LOXHD1: variants seen among roughly 807,000 people sequenced by gnomAD.
LOXHD1 encodes lipoxygenase homology PLAT domains 1, also known as lipoxygenase homology domain-containing protein 1.
Under a neutral mutation model 248.2 loss-of-function variants are expected in LOXHD1, and 205 were observed. That is an observed-to-expected ratio of 0.83 (90% confidence interval 0.74 to 0.93). LOXHD1 has a LOEUF of 0.93. LOXHD1 is among the 40% of genes least tolerant of loss of function. The probability of loss-of-function intolerance (pLI) is 0.00; values close to 1 mark genes in which losing one functional copy is unlikely to be tolerated. For missense variants in LOXHD1, 2,930 were observed against 2,971.6 expected, an observed-to-expected ratio of 0.99 and a Z score of 0.33; for synonymous variants, 1,113 against 1,162.8, an observed-to-expected ratio of 0.96 and a Z score of 0.87.
chr18:46,523,690 G>T (rs958429081), intron 31 of LOXHD1, among the ~76,000 whole-genome samples: 2 of 151,830 alleles, frequency 1.3e-5, no homozygotes, highest in African/African-American at 4.8e-5. Flanking sequence ...TCTCTTCCTG[G>T]CTGGAATTAC....
At chr18:46,644,132 C>T (rs980659056) in intron 2 of LOXHD1, among the ~76,000 whole-genome samples, 5 of 152,294 alleles carry the variant, frequency 3.3e-5, no homozygotes, top group African/African-American at 1.2e-4. Flanking sequence ...TTCAGCAACT[C>T]CCCCATCCCC....
At chr18:46,636,553 C>T (rs1414004470) in intron 4 of LOXHD1, among the ~76,000 whole-genome samples, 3 of 152,154 alleles carry the variant, frequency 2.0e-5, no homozygotes, top group Non-Finnish European at 4.4e-5. Flanking sequence ...AGAGAAGGTT[C>T]CAGTGATTGC....
chr18:46,535,807 G>A lies in LOXHD1; in HGVS notation c.4096-1356C>T, dbSNP rs12454666. 6.8e-3 allele frequency among the ~76,000 whole-genome samples: 1,041 copies of A among 152,258 alleles called. 33 individuals are homozygous for A. Among genetic ancestry groups the A allele is most frequent in the Admixed American group, 0.048 (736 of 15,294 alleles). On this transcript the variant is annotated intron_variant, in intron 26 of 40. Transcript: ENST00000642948. ...GCTGGTCTTGAACTCCTGACCTCAG[G>A]TGATCCACCCACCTCGGCCTCCCAA...
chr18:46,488,884 A>T (rs760949270), intron 38 of LOXHD1, 88 bp downstream of exon 38: 43 of 1,419,572 alleles, frequency 3.0e-5, no homozygotes, highest in Non-Finnish European at 3.9e-5. Flanking sequence ...TGTATCTGGC[A>T]CCTGACCCCC....
At chr18:46,511,505 T>C (rs2034960970) in intron 34 of LOXHD1, among the ~76,000 whole-genome samples, 1 of 152,218 alleles carries the variant, frequency 6.6e-6, no homozygotes, top group Non-Finnish European at 1.5e-5. Context: ...GGTTTCCTTC[T>C]GTTCCTGCCT....
At chr18:46,617,761 TC>T (rs1477821727) in intron 5 of LOXHD1, among the ~76,000 whole-genome samples, 17 of 152,302 alleles carry the variant, frequency 1.1e-4, no homozygotes, top group African/African-American at 3.9e-4. Flanking sequence ...TGAGGCCAAG[TC>T]AAATTGTATT....
At chr18:46,566,181 A>G (rs1167440746) in intron 17 of LOXHD1, 76 bp downstream of exon 17, 3 of 1,455,082 alleles carry the variant, frequency 2.1e-6, no homozygotes, top group Non-Finnish European at 2.8e-6. Context: ...GCTTTGCCCC[A>G]TGGTCCCTCC....
At chr18:46,563,849 G>A (rs1047062419) in intron 17 of LOXHD1, among the ~76,000 whole-genome samples, 3 of 152,162 alleles carry the variant, frequency 2.0e-5, no homozygotes, top group Admixed American at 6.5e-5. Context: ...CACCAGGGAT[G>A]TGGAGAGACC....
downstream of LOXHD1, chr18:46,477,156 C>A (rs2032068674): frequency 1.4e-6 from 1 of 718,912 alleles, no homozygotes; most frequent in African/African-American, 1.7e-5. Context: ...TTCTCCACTT[C>A]TATCCCCTGG....
intron 31 of LOXHD1, among the ~76,000 whole-genome samples, chr18:46,523,879 G>C (rs1372592160): frequency 1.3e-5 from 2 of 151,990 alleles, no homozygotes; most frequent in Non-Finnish European, 2.9e-5. Flanking sequence ...CTCCTGGAGG[G>C]GGATAGCATG....
chr18:46,640,177 G>A (rs1040907680), intron 3 of LOXHD1, among the ~76,000 whole-genome samples: 6 of 152,062 alleles, frequency 3.9e-5, no homozygotes, highest in Non-Finnish European at 7.4e-5. Flanking sequence ...GCTCAAGCAC[G>A]GATACACACA....
chr18:46,495,145 C>T (rs1225158711), intron 37 of LOXHD1, among the ~76,000 whole-genome samples: 1 of 152,140 alleles, frequency 6.6e-6, no homozygotes, highest in Non-Finnish European at 1.5e-5. Context: ...TGAGCCACCA[C>T]GCCCAGCCAT....
intron 40 of LOXHD1, 130 bp downstream of exon 40, chr18:46,483,454 GCCT>G: frequency 9.3e-7 from 1 of 1,074,720 alleles, no homozygotes. Flanking sequence ...TGCCTTCTAG[GCCT>G]CCTGAACAGG....
intron 14 of LOXHD1, among the ~76,000 whole-genome samples, chr18:46,573,055 A>G (rs1667380475): frequency 6.8e-6 from 1 of 146,642 alleles, no homozygotes; most frequent in African/African-American, 2.5e-5. Flanking sequence ...AAGACAGGAT[A>G]GACCAGCTGA....
At chr18:46,606,947 C>T (rs549750323) in intron 6 of LOXHD1, among the ~76,000 whole-genome samples, 9 of 152,070 alleles carry the variant, frequency 5.9e-5, no homozygotes, top group African/African-American at 2.2e-4. Flanking sequence ...GGCCATATCA[C>T]CTAAGGTCAG....
At chr18:46,557,529 C>A (rs993873013) in intron 20 of LOXHD1, 40 bp from the exon 21 acceptor site, 1 of 1,550,772 alleles carries the variant, frequency 6.4e-7, no homozygotes, top group Non-Finnish European at 8.7e-7. Flanking sequence ...GTAAGACCTA[C>A]CCCTCCCCAC....
chr18:46,568,165 G>A (rs2037680833), intron 16 of LOXHD1, among the ~76,000 whole-genome samples: 1 of 152,150 alleles, frequency 6.6e-6, no homozygotes, highest in Non-Finnish European at 1.5e-5. Context: ...AATAGGGTGG[G>A]ACTCCCAGAG....
In LOXHD1 at chr18:46,560,423, G is replaced by T; in HGVS notation, c.2721C>A (p.Asp907Glu). ...TCCGGGCCTCCTCCTCCGGCGTGAG[G>T]TCCACCTCCCGCACCACCAGGTGCC... ...WLRHLVVREV[D>E]LTPEEEARKK... The change falls in exon 19 of 41, where the codon GAC (aspartate) becomes GAA (glutamate). Residue 907 changes from aspartate (D) to glutamate (E), a missense_variant. Physicochemically the swap from Asp to Glu is conservative, Grantham distance 45 (BLOSUM62 2). Coordinates refer to ENST00000642948, the MANE Select transcript of LOXHD1 (RefSeq NM_001384474.1). 1 of 1,547,346 alleles carries T rather than the reference G, an allele frequency of 6.5e-7. No individual in the cohort carries two copies.
rs1365069476 is a variant in LOXHD1 at position 46,524,508 on chromosome 18, T to C, written c.4834A>G (p.Thr1612Ala). ...SSKMADVDISTVTGPMADYVQ... is the reference protein window; with the variant it reads ...SSKMADVDISAVTGPMADYVQ... Reference sequence around the variant, plus strand: ...TAGTCAGCCATGGGCCCGGTCACTGTGCTGATGTCGACATCGGCCATCTTG... The same window carrying C: ...TAGTCAGCCATGGGCCCGGTCACTGCGCTGATGTCGACATCGGCCATCTTG... Residue 1612 changes from threonine to alanine, a missense_variant, in exon 31 of 41, where the codon ACA becomes GCA. Thr to Ala is a moderately conservative substitution (Grantham distance 58). Transcript: ENST00000642948. 1 of 1,551,764 alleles carries C rather than the reference T, an allele frequency of 6.4e-7. No homozygotes were observed. The highest frequency in any genetic ancestry group is 2.0e-5 in the Admixed American group (1 of 51,014).
Sources: allele counts gnomAD v4.1 joint callset (sites outside exome capture counted in the v4.1 genomes callset), GRCh38; gene constraint gnomAD v4.1.1; transcripts MANE v1.5; gene names NCBI Gene and HGNC (gene_info 2026-07-23, HGNC 2026-07-21).